Variants in ENPP7 observed in about 807,000 individuals in gnomAD.
ENPP7 encodes the protein ectonucleotide pyrophosphatase/phosphodiesterase family member 7.
Under a neutral mutation model 33.6 loss-of-function variants are expected in ENPP7, and 39 were observed. The observed-to-expected ratio is 1.16, with a 90% CI of 0.90 to 1.52. The LOEUF (loss-of-function observed/expected upper bound fraction) is 1.52, where lower values mean the gene tolerates loss of function less well. Among genes scored for constraint, ENPP7 ranks in the 40% most tolerant of loss-of-function variants. ENPP7 has a pLI of 0.00. For synonymous variants in ENPP7, 244 were observed against 274.3 expected, an observed-to-expected ratio of 0.89 and a Z score of 1.09; for missense variants, 594 against 641.0, an observed-to-expected ratio of 0.93 and a Z score of 0.79.
chr17:79,731,763 T>C (rs1598197048), intron 1 of ENPP7, among the ~76,000 whole-genome samples: 1 of 152,162 alleles, frequency 6.6e-6, no homozygotes, highest in East Asian at 1.9e-4. Flanking sequence ...CCCTGACAGA[T>C]CTGCCCAGGC....
chr17:79,736,945 T>C, intron 3 of ENPP7, 96 bp from the exon 4 acceptor site: 1 of 990,742 alleles, frequency 1.0e-6, no homozygotes, highest in East Asian at 2.5e-5. Flanking sequence ...ACGTTGGTGC[T>C]CCTTCCTAAG....
In ENPP7 at chr17:79,731,187, G is replaced by A. The variant is rs782813825; in HGVS notation, c.48G>A (p.Leu16=). The change falls in exon 1 of 6, where the codon CTG becomes CTA. Residue 16 remains leucine (L), a synonymous_variant. Transcript: ENST00000328313. The part of the protein sequence containing the change: ...VLLTVALATL[L]APGAGAPVQS... ...TCACTGTGGCTCTGGCCACGCTCCT[G>A]GCTCCCGGGGCCGGAGCACCGGTAC... 7.4e-6 allele frequency: 12 copies of A among 1,611,340 alleles called. No homozygotes were observed. Among genetic ancestry groups the A allele is most frequent in the Non-Finnish European group, 1.0e-5 (12 of 1,179,782 alleles).
Position 79,733,493 on chromosome 17 carries a change from C to G in ENPP7, c.254-15C>G. 1 of 1,611,560 alleles carries G rather than the reference C, an allele frequency of 6.2e-7. No individual in the cohort carries two copies. The highest frequency in any genetic ancestry group is 8.5e-7 in the Non-Finnish European group (1 of 1,178,976). Reference sequence around the variant, plus strand: ...CGGTCCATCCCGCCGCCCTCTGCACCTCTTCCTCCCTCAGGCAAATATATC... The same window carrying G: ...CGGTCCATCCCGCCGCCCTCTGCACGTCTTCCTCCCTCAGGCAAATATATC... On this transcript the variant is annotated splice_polypyrimidine_tract_variant and intron_variant, in intron 1 of 5. Coordinates refer to ENST00000328313, the MANE Select transcript of ENPP7 (RefSeq NM_178543.5).
At chr17:79,732,109 C>CATATATATATGTATAT (rs2094286567) in intron 1 of ENPP7, among the ~76,000 whole-genome samples, 5 of 82,574 alleles carry the variant, frequency 6.1e-5, no homozygotes, top group East Asian at 7.2e-4. Flanking sequence ...TATATATATA[C>CATATATATATGTATAT]ATATATATAT....
chr17:79,741,825 G>A lies in ENPP7; in HGVS notation c.*48G>A. 1 of 986,006 alleles carries A rather than the reference G, an allele frequency of 1.0e-6. No homozygotes were observed. Among genetic ancestry groups the A allele is most frequent in the South Asian group, 4.7e-5 (1 of 21,320 alleles). 61.1% of individuals were successfully genotyped at this position (986,006 alleles called of 1,614,324 possible). A position where few individuals can be genotyped will look rare whatever the true frequency, so the allele number is the denominator to read the frequency against. Reference sequence around the variant, plus strand: ...GCCGGGAGCTGCCCGCAGGCCCTGGGCCGGCTGTCTCGCTGCGATGCTCTG... The same window carrying A: ...GCCGGGAGCTGCCCGCAGGCCCTGGACCGGCTGTCTCGCTGCGATGCTCTG... On this transcript the variant is annotated 3_prime_UTR_variant, in exon 6 of 6. Coordinates refer to ENST00000328313, the MANE Select transcript of ENPP7 (RefSeq NM_178543.5).
Position 79,737,014 on chromosome 17 carries a change from C to G in ENPP7, c.1027-27C>G, listed in dbSNP as rs782266549. 6 of 1,607,490 alleles carry G rather than the reference C, an allele frequency of 3.7e-6. No individual in the cohort carries two copies. The highest frequency in any genetic ancestry group is 5.1e-6 in the Non-Finnish European group (6 of 1,174,520). On this transcript the variant is annotated intron_variant, in intron 3 of 5. Coordinates refer to ENST00000328313, the MANE Select transcript of ENPP7 (RefSeq NM_178543.5). The surrounding 1 kb of genome is among the most constrained non-coding windows in gnomAD (Gnocchi z 5.5). Reference sequence around the variant, plus strand: ...AGGGTCTGTTGCTCCCAGCAAGGACCCAGGACCCTTGCCCGCTCCCCGGCA... The same window carrying G: ...AGGGTCTGTTGCTCCCAGCAAGGACGCAGGACCCTTGCCCGCTCCCCGGCA...
rs782081229 is a variant in ENPP7 at position 79,731,089 on chromosome 17, C to T, written c.-51C>T. ...GACCCTGGGACTTTGTCCTCCTCGG[C>T]AGGAGCCAGCCCTGTGCACCCTGTG... On this transcript the variant is annotated 5_prime_UTR_variant, in exon 1 of 6. An upstream open reading frame in the 5' UTR gains an earlier in-frame stop. Transcript: ENST00000328313. 1 of 1,543,610 alleles carries T rather than the reference C, an allele frequency of 6.5e-7. No homozygotes were observed. Among genetic ancestry groups the T allele is most frequent in the South Asian group, 1.2e-5 (1 of 81,974 alleles).
rs1555823164 is a variant in ENPP7 at position 79,734,952 on chromosome 17, G to A, written c.400-91G>A. 5.8e-6 allele frequency: 8 copies of A among 1,380,144 alleles called. No homozygotes were observed. The East Asian group carries it at 9.6e-5, about 16-fold the overall frequency. The allele number at this position is 1,380,144 out of a possible 1,614,324, so 85.5% of individuals were successfully genotyped here. On this transcript the variant is annotated intron_variant, in intron 2 of 5. Transcript: ENST00000328313. The stretch of plus-strand genomic sequence containing the variant: ...AGGGATGGGTGGGTGGAACAGAGAA[G>A]TAGGCACGTGGGGGACAAATGTGTT...
chr17:79,732,119 T>TACATATATATATATACACATATATAC (rs1555822638), intron 1 of ENPP7, among the ~76,000 whole-genome samples: 41 of 49,804 alleles, frequency 8.2e-4, no homozygotes, highest in African/African-American at 2.7e-3. Context: ...CATATATATA[T>TACATATATATATATACACATATATAC]ACATATATAT....
At chr17:79,733,870 G>A (rs150038525) in intron 2 of ENPP7, among the ~76,000 whole-genome samples, 4 of 152,234 alleles carry the variant, frequency 2.6e-5, no homozygotes, top group Non-Finnish European at 4.4e-5. Context: ...CGTCCGGCTC[G>A]GCCCATGGAC....
chr17:79,731,108 C>T lies in ENPP7; in HGVS notation c.-32C>T, dbSNP rs781895804. 3.8e-6 allele frequency: 6 copies of T among 1,586,708 alleles called. No individual in the cohort carries two copies. In the Admixed American group the frequency reaches 7.0e-5, roughly 18 times the overall value. On this transcript the variant is annotated 5_prime_UTR_variant, in exon 1 of 6. Transcript: ENST00000328313. ...CCTCGGCAGGAGCCAGCCCTGTGCA[C>T]CCTGTGTGCCTGTCCATCTGGAAGG...
Position 79,737,211 on chromosome 17 carries a change from C to T in ENPP7, c.1197C>T (p.Pro399=), listed in dbSNP as rs782267560. Reference sequence around the variant, plus strand: ...TGTGCCGGCTGCTGGGCATCGTGCCCGAGGCCAACGATGGGCACCTAGCTA... The same window carrying T: ...TGTGCCGGCTGCTGGGCATCGTGCCTGAGGCCAACGATGGGCACCTAGCTA... ...ELMCRLLGIV[P]EANDGHLATL... The change falls in exon 4 of 6, where the codon CCC becomes CCT. Residue 399 remains proline, a synonymous_variant. Transcript: ENST00000328313. This position sits in a 1 kb window ranked among gnomAD's most constrained non-coding sequence, Gnocchi z 5.5. The T allele has an allele frequency of 1.1e-5, 18 of 1,611,826 alleles. No individual in the cohort carries two copies. The highest frequency in any genetic ancestry group is 3.3e-4 in the Middle Eastern group (2 of 6,060).
Position 79,737,349 on chromosome 17 carries a change from C to A in ENPP7, c.1246+89C>A. ...CCTGCATGCCTGTGACCAGGACACC[C>A]TTGAGCCCCAAGTGGGGCCACCTCC... On this transcript the variant is annotated intron_variant, in intron 4 of 5. Transcript: ENST00000328313. The surrounding 1 kb of genome is among the most constrained non-coding windows in gnomAD (Gnocchi z 5.5). 8.6e-7 allele frequency: 1 copy of A among 1,158,894 alleles called. No individual in the cohort carries two copies. Among genetic ancestry groups the A allele is most frequent in the Non-Finnish European group, 1.2e-6 (1 of 814,418 alleles). The allele number at this position is 1,158,894 out of a possible 1,614,324, so 71.8% of individuals were successfully genotyped here.
At chr17:79,736,980 T>A in intron 3 of ENPP7, 61 bp from the exon 4 acceptor site, 1 of 1,433,352 alleles carries the variant, frequency 7.0e-7, no homozygotes. Context: ...GTGGATAGGG[T>A]AGGCGGAGAG....
chr17:79,738,048 G>T lies in ENPP7; in HGVS notation c.*2G>T. On this transcript the variant is annotated 3_prime_UTR_variant, in exon 5 of 6. Coordinates refer to ENST00000328313, the MANE Select transcript of ENPP7 (RefSeq NM_178543.5). This position sits in a 1 kb window ranked among gnomAD's most constrained non-coding sequence, Gnocchi z 6.2. ...ATTCTTCTGTCTGAGGTCGCATAAC[G>T]CCCCATGGCTCAAGGTCAGAGACCC... 6.2e-7 allele frequency: 1 copy of T among 1,609,776 alleles called. No homozygotes were observed.
In ENPP7 at chr17:79,735,076, G is replaced by A. The variant is rs782320336; in HGVS notation, c.433G>A (p.Gly145Arg). 5.0e-5 allele frequency: 80 copies of A among 1,612,870 alleles called. No individual in the cohort carries two copies. The highest frequency in any genetic ancestry group is 6.0e-5 in the Non-Finnish European group (71 of 1,180,048). The change falls in exon 3 of 6, where the codon GGG becomes AGG. Residue 145 changes from glycine to arginine, a missense_variant. By Grantham distance (125) the Gly-to-Arg change is moderately radical (BLOSUM62 -2). Around this residue, in one of 3 missense-constraint regions of ENPP7, gnomAD observed 504 missense variants for 512.8 expected, o/e 0.98. Coordinates refer to ENST00000328313, the MANE Select transcript of ENPP7 (RefSeq NM_178543.5). This position sits in a 1 kb window ranked among gnomAD's most constrained non-coding sequence, Gnocchi z 5.5. ...GGCTGGCTCCTTCTTCTACCCGGGC[G>A]GGAACGTCACCTACCAAGGGGTGGC... ...LRAGSFFYPG[G>R]NVTYQGVAVT...
At position 79,741,844 on chromosome 17, in the gene ENPP7, T is replaced by A; in HGVS notation, c.*67T>A. 2.0e-6 allele frequency: 2 copies of A among 985,842 alleles called. No homozygotes were observed. Among genetic ancestry groups the A allele is most frequent in the Non-Finnish European group, 2.4e-6 (2 of 830,288 alleles). 61.1% of individuals were successfully genotyped at this position (985,842 alleles called of 1,614,324 possible). A position where few individuals can be genotyped will look rare whatever the true frequency, so the allele number is the denominator to read the frequency against. The stretch of plus-strand genomic sequence containing the variant: ...CCCTGGGCCGGCTGTCTCGCTGCGA[T>A]GCTCTGCTGGTCGCGGACGGACCCT... On this transcript the variant is annotated 3_prime_UTR_variant, in exon 6 of 6. Transcript: ENST00000328313.
At position 79,733,402 on chromosome 17, in the gene ENPP7, A is replaced by G. The variant is rs1193393372; in HGVS notation, c.254-106A>G. ...CCCAGGCCCACTCCCCACCCAGCACACAGGGAAACCTGGGCTGTTTTGACT... is the reference window on the plus strand; with the variant it reads ...CCCAGGCCCACTCCCCACCCAGCACGCAGGGAAACCTGGGCTGTTTTGACT... On this transcript the variant is annotated intron_variant, in intron 1 of 5. Transcript: ENST00000328313. The G allele has an allele frequency of 2.5e-6, 3 of 1,219,746 alleles. No homozygotes were observed. In the African/African-American group the frequency reaches 4.5e-5, roughly 18 times the overall value. The allele number at this position is 1,219,746 out of a possible 1,614,324, so 75.6% of individuals were successfully genotyped here. A position where few individuals can be genotyped will look rare whatever the true frequency, so the allele number is the denominator to read the frequency against.
At chr17:79,732,136 A>ATATATATATACATATATATATG (rs2094287331) in intron 1 of ENPP7, among the ~76,000 whole-genome samples, 2 of 47,024 alleles carry the variant, frequency 4.3e-5, no homozygotes, top group Non-Finnish European at 7.4e-5. Context: ...ATATATGTAT[A>ATATATATATACATATATATATG]TATATATATA....
Sources: allele counts gnomAD v4.1 joint callset (sites outside exome capture counted in the v4.1 genomes callset), GRCh38; gene constraint gnomAD v4.1.1; regional missense constraint gnomAD v4.1.1; non-coding constraint Gnocchi (gnomAD v3.1); transcripts MANE v1.5; gene names NCBI Gene and HGNC (gene_info 2026-07-23, HGNC 2026-07-21).